Variants in ARHGEF28 observed in about 807,000 individuals in gnomAD.
The protein encoded by ARHGEF28 is Rho guanine nucleotide exchange factor 28, also known as 190 kDa guanine nucleotide exchange factor.
A neutral mutation model predicts 206.6 loss-of-function variants in ARHGEF28; 152 were observed. The ratio of observed to expected loss-of-function variants is 0.74; its 90% CI spans 0.64 to 0.84. The LOEUF is 0.84. Among genes scored for constraint, ARHGEF28 ranks in the 40% least tolerant of loss-of-function variants. ARHGEF28 has a pLI of 0.00. For missense variants in ARHGEF28, 2,028 were observed against 2,073.2 expected (o/e 0.98, Z 0.42); for synonymous variants, 763 against 776.4 (o/e 0.98, Z 0.29).
intron 11 of ARHGEF28, among the ~76,000 whole-genome samples, chr5:73,844,853 T>A (rs1208872054): frequency 1.3e-5 from 2 of 151,034 alleles, no homozygotes; most frequent in East Asian, 3.9e-4. Flanking sequence ...GCCTCCAAGT[T>A]TGAGTCGTTT....
rs756232356 is a variant in ARHGEF28, at chr5:73,629,665, C to T, written c.-12+3343C>T. Among the ~76,000 whole-genome samples the T allele has an allele frequency of 1.6e-4, 24 of 152,098 alleles. 1 individual carries two copies. Among genetic ancestry groups the T allele is most frequent in the Middle Eastern group, 6.8e-3 (2 of 294 alleles). On this transcript the variant is annotated intron_variant, in intron 1 of 35. Transcript: ENST00000513042. ...TTGCTTATTTGTAACATTATTGCTC[C>T]TGGACTTCTTCTCCTGGATAACCAA...
intron 4 of ARHGEF28, among the ~76,000 whole-genome samples, chr5:73,773,000 ACAATT>A (rs1753309577): frequency 6.6e-6 from 1 of 152,226 alleles, no homozygotes; most frequent in Non-Finnish European, 1.5e-5. Flanking sequence ...TTTACAGTGA[ACAATT>A]CAGTGTACAG....
chr5:73,893,172 G>A (rs1334596988), intron 27 of ARHGEF28, 25 bp from the exon 28 acceptor site: 2 of 1,515,700 alleles, frequency 1.3e-6, no homozygotes, highest in Non-Finnish European at 1.8e-6. Context: ...TTTCAGTTGT[G>A]TCTCTTGACT....
chr5:73,880,202 A>G (rs1238891573), intron 22 of ARHGEF28, among the ~76,000 whole-genome samples: 1 of 152,166 alleles, frequency 6.6e-6, no homozygotes, highest in Non-Finnish European at 1.5e-5. Flanking sequence ...GCAATCAGCG[A>G]GACTCCGTGG....
intron 4 of ARHGEF28, among the ~76,000 whole-genome samples, chr5:73,771,725 A>T (rs577190802): frequency 6.6e-6 from 1 of 152,224 alleles, no homozygotes; most frequent in Admixed American, 6.5e-5. Flanking sequence ...TACAAATATT[A>T]TCCAACATTT....
At chr5:73,697,562 T>C (rs1748294353) in intron 2 of ARHGEF28, among the ~76,000 whole-genome samples, 1 of 152,136 alleles carries the variant, frequency 6.6e-6, no homozygotes, top group Non-Finnish European at 1.5e-5. Context: ...GCTCACACGA[T>C]AGCTCAGGTC....
intron 35 of ARHGEF28, among the ~76,000 whole-genome samples, chr5:73,917,984 G>C (rs549174283): frequency 1.3e-5 from 2 of 152,028 alleles, no homozygotes; most frequent in South Asian, 4.1e-4. Flanking sequence ...TGACTGATGG[G>C]GTAATGATCC....
At chr5:73,901,834 C>T (rs1396764692) in intron 31 of ARHGEF28, 2 of 152,346 alleles carry the variant, frequency 1.3e-5, no homozygotes, top group Non-Finnish European at 2.9e-5. Context: ...AGGGAATCCT[C>T]TTTTTTGACT....
chr5:73,731,323 A>T (rs529011180), intron 2 of ARHGEF28, among the ~76,000 whole-genome samples: 2 of 152,344 alleles, frequency 1.3e-5, no homozygotes, highest in East Asian at 3.9e-4. Flanking sequence ...GGTTGCTGTA[A>T]CTTAAGGATT....
intron 21 of ARHGEF28, among the ~76,000 whole-genome samples, chr5:73,871,133 A>G (rs1308805229): frequency 1.3e-5 from 2 of 152,042 alleles, no homozygotes; most frequent in Non-Finnish European, 2.9e-5. Context: ...TTCTTCATCT[A>G]CCTCTCAATT....
chr5:73,870,103 C>G lies in ARHGEF28; in HGVS notation c.2460C>G (p.Ser820Arg). The part of the protein sequence containing the change: ...VVDSSLWSDL[S>R]SDAQEFEAES... ...ATTCTTCTCTGTGGAGTGACCTCAG[C>G]AGTGATGCCCAGGAGTTTGAAGCAG... The change falls in exon 21 of 36, where the codon AGC (serine) becomes AGG (arginine). Residue 820 changes from serine to arginine, a missense_variant. Around this residue, in one of 3 missense-constraint regions of ARHGEF28, gnomAD observed 1,002 missense variants for 1,015.3 expected, o/e 0.99. Transcript: ENST00000513042. The G allele has an allele frequency of 1.9e-6, 3 of 1,613,876 alleles. No homozygotes were observed. The highest frequency in any genetic ancestry group is 1.3e-5 in the African/African-American group (1 of 75,012).
At chr5:73,720,361 G>A (rs529520448) in intron 2 of ARHGEF28, among the ~76,000 whole-genome samples, 78 of 152,228 alleles carry the variant, frequency 5.1e-4, no homozygotes, top group African/African-American at 1.8e-3. Flanking sequence ...AGAAGAAAAA[G>A]GAAGGGAAAA....
chr5:73,893,213 G>A lies in ARHGEF28; in HGVS notation c.3583G>A (p.Gly1195Arg), dbSNP rs1430748281. ...QAVESCPEEKGGRTSESDEDK... is the reference protein window; with the variant it reads ...QAVESCPEEKRGRTSESDEDK... ...CTTTTAAAGTTGTCCTGAAGAAAAA[G>A]GGGGAAGGACAAGTGAATCTGATGA... The change falls in exon 28 of 36, where the codon GGG becomes AGG. Residue 1195 changes from glycine (G) to arginine (R), a missense_variant. Around this residue, in one of 3 missense-constraint regions of ARHGEF28, gnomAD observed 803 missense variants for 768.0 expected, o/e 1.05. Transcript: ENST00000513042. 4 of 1,552,674 alleles carry A rather than the reference G, an allele frequency of 2.6e-6. No homozygotes were observed. Among genetic ancestry groups the A allele is most frequent in the South Asian group, 2.4e-5 (2 of 81,846 alleles).
chr5:73,831,721 C>T (rs1020569229), intron 9 of ARHGEF28, among the ~76,000 whole-genome samples: 6 of 152,212 alleles, frequency 3.9e-5, no homozygotes, highest in Non-Finnish European at 5.9e-5. Context: ...GACGGAGTTT[C>T]ACTCTTGTTG....
At chr5:73,801,918 G>T (rs1293573859) in intron 9 of ARHGEF28, among the ~76,000 whole-genome samples, 1 of 152,202 alleles carries the variant, frequency 6.6e-6, no homozygotes, top group Non-Finnish European at 1.5e-5. Flanking sequence ...TACTGTGGTT[G>T]TTGAGGTTTC....
chr5:73,893,375 C>A, intron 28 of ARHGEF28, 87 bp downstream of exon 28: 1 of 1,063,194 alleles, frequency 9.4e-7, no homozygotes. Flanking sequence ...GAGGTTATAA[C>A]TACATGATTC....
chr5:73,686,808 C>A (rs1161456018), intron 2 of ARHGEF28, among the ~76,000 whole-genome samples: 1 of 151,966 alleles, frequency 6.6e-6, no homozygotes, highest in Admixed American at 6.6e-5. Flanking sequence ...AGGCGTGAGC[C>A]ACCGTGCCCA....
intron 1 of ARHGEF28, among the ~76,000 whole-genome samples, chr5:73,661,552 A>G (rs1290295357): frequency 6.6e-6 from 1 of 152,082 alleles, no homozygotes; most frequent in African/African-American, 2.4e-5. Flanking sequence ...CTTTCTCACT[A>G]AGCTCAATAA....
intron 35 of ARHGEF28, among the ~76,000 whole-genome samples, chr5:73,916,101 A>G (rs1763197490): frequency 6.6e-6 from 1 of 152,172 alleles, no homozygotes; most frequent in South Asian, 2.1e-4. Context: ...AACTTTGACA[A>G]GTTTTTTATG....
Sources: gnomAD v4.1 joint callset for allele counts (sites outside exome capture counted in the v4.1 genomes callset) on GRCh38, gnomAD v4.1.1 for gene constraint, gnomAD v4.1.1 regional missense constraint, MANE v1.5 for transcripts, NCBI Gene and HGNC (gene_info 2026-07-23, HGNC 2026-07-21) for gene names.